PIGX: variants seen among roughly 807,000 people sequenced by gnomAD.
PIGX encodes GPI alpha-1,4-mannosyltransferase I, stabilizing subunit.
A neutral mutation model predicts 28.7 loss-of-function variants in PIGX; 24 were observed. That is an observed-to-expected ratio of 0.84 (90% CI 0.60 to 1.17). The LOEUF (loss-of-function observed/expected upper bound fraction) is 1.17, where lower values mean the gene tolerates loss of function less well. Among genes scored for constraint, PIGX ranks in the 50% most tolerant of loss-of-function variants. The pLI, the probability that PIGX is intolerant of heterozygous loss-of-function variation, is 0.00. For missense variants in PIGX, 305 were observed against 317.8 expected (o/e 0.96, Z 0.31); for synonymous variants, 127 against 121.0 (o/e 1.05, Z -0.33).
chr3:196,728,485 C>T (rs1482183502), intron 4 of PIGX: 3 of 601,626 alleles, frequency 5.0e-6, no homozygotes, highest in African/African-American at 1.9e-5. Flanking sequence ...GATGGGCATT[C>T]CAAGACACTA....
Position 196,712,580 on chromosome 3 carries a change from C to T in PIGX, c.48C>T (p.Leu16=). Residue 16 remains leucine (L), a synonymous_variant, in exon 1 of 6, where the codon CTC becomes CTT. Transcript: ENST00000392391. ...TTCGGGCGGCCGCCTGGCTGCTCCT[C>T]GGGGCGGCGACCGGGCTCACGCGCG... 1 of 1,190,006 alleles carries T rather than the reference C, an allele frequency of 8.4e-7. No individual in the cohort carries two copies. The highest frequency in any genetic ancestry group is 4.2e-5 in the South Asian group (1 of 23,964). The allele number at this position is 1,190,006 out of a possible 1,614,324, so 73.7% of individuals were successfully genotyped here.
intron 5 of PIGX, among the ~76,000 whole-genome samples, chr3:196,732,241 TATATATATATATATA>T (rs1560080595): frequency 0.089 from 5,710 of 64,194 alleles, 508 homozygotes; most frequent in East Asian, 0.15. Flanking sequence ...TATATATATA[TATATATATATATATA>T]TTTTATTTTA....
intron 3 of PIGX, chr3:196,726,583 A>C: frequency 2.3e-6 from 1 of 438,892 alleles, no homozygotes; most frequent in South Asian, 1.6e-5. Flanking sequence ...CTTCAAATGC[A>C]GCTAATATGA....
At chr3:196,717,811 G>T (rs1380332394) in intron 2 of PIGX, 1 of 152,090 alleles carries the variant, frequency 6.6e-6, no homozygotes, top group Non-Finnish European at 1.5e-5. Context: ...TACTACAGTT[G>T]ATTCTAAATG....
At chr3:196,721,779 G>C (rs1368312521) in intron 2 of PIGX, among the ~76,000 whole-genome samples, 1 of 149,550 alleles carries the variant, frequency 6.7e-6, no homozygotes, top group South Asian at 2.1e-4. Flanking sequence ...TTTAGATGGG[G>C]ATTTGCTCTG....
At position 196,719,861 on chromosome 3, in the gene PIGX, C is replaced by T. The variant is rs150671951; in HGVS notation, c.177-2554C>T. Reference sequence around the variant, plus strand: ...GCTGGAGTGCATGGCGCGATCTCGGCGCACTGCAACTTCCGATTCCCTGGT... The same window carrying T: ...GCTGGAGTGCATGGCGCGATCTCGGTGCACTGCAACTTCCGATTCCCTGGT... On this transcript the variant is annotated intron_variant, in intron 2 of 5. Transcript: ENST00000392391. 8.0e-3 allele frequency among the ~76,000 whole-genome samples: 1,208 copies of T among 151,872 alleles called. 11 individuals are homozygous for T. The highest frequency in any genetic ancestry group is 0.028 in the African/African-American group (1,155 of 41,342).
At chr3:196,722,301 C>A in intron 2 of PIGX, 114 bp from the exon 3 acceptor site, 1 of 729,378 alleles carries the variant, frequency 1.4e-6, no homozygotes, top group Non-Finnish European at 2.3e-6. Flanking sequence ...TTATAATCTA[C>A]TTTTGGAAAA....
In PIGX at chr3:196,716,938, T is replaced by C. The variant is rs1712120760; in HGVS notation, c.176+17T>C. Reference sequence around the variant, plus strand: ...TTTCCACAGGTAAGTTGCCTGTTGATTTCTATTTCTATTAAAATAATGTGT... The same window carrying C: ...TTTCCACAGGTAAGTTGCCTGTTGACTTCTATTTCTATTAAAATAATGTGT... On this transcript the variant is annotated intron_variant, in intron 2 of 5. Transcript: ENST00000392391. The C allele has an allele frequency of 1.4e-6, 2 of 1,394,394 alleles. No individual in the cohort carries two copies. Among genetic ancestry groups the C allele is most frequent in the East Asian group, 2.3e-5 (1 of 43,828 alleles). The allele number at this position is 1,394,394 out of a possible 1,614,324, so 86.4% of individuals were successfully genotyped here.
At chr3:196,720,171 C>T (rs961298103) in intron 2 of PIGX, among the ~76,000 whole-genome samples, 1 of 152,214 alleles carries the variant, frequency 6.6e-6, no homozygotes, top group African/African-American at 2.4e-5. Context: ...TGGAACTCTT[C>T]GTTTTGTACA....
chr3:196,730,769 AAAG>A (rs1300955473), intron 4 of PIGX, among the ~76,000 whole-genome samples: 27 of 151,188 alleles, frequency 1.8e-4, no homozygotes, highest in African/African-American at 5.4e-4. Flanking sequence ...AAAAAAAAAA[AAAG>A]AAGTCATGTT....
chr3:196,726,355 C>G (rs145814360), intron 3 of PIGX, among the ~76,000 whole-genome samples: 3 of 151,560 alleles, frequency 2.0e-5, no homozygotes, highest in Non-Finnish European at 4.4e-5. Context: ...TATCCCAGCT[C>G]TTTGGGAGGA....
At chr3:196,713,739 A>C (rs1173674252) in intron 1 of PIGX, among the ~76,000 whole-genome samples, 1 of 151,686 alleles carries the variant, frequency 6.6e-6, no homozygotes, top group Non-Finnish European at 1.5e-5. Context: ...CAGGGGGCTA[A>C]GGCAGGAGAA....
intron 3 of PIGX, chr3:196,726,887 C>T (rs181496196): frequency 6.6e-4 from 147 of 221,184 alleles, no homozygotes; most frequent in African/African-American, 3.1e-3. Flanking sequence ...CAAGCAGTGG[C>T]GGTATACCTG....
chr3:196,727,874 C>T, intron 3 of PIGX, 49 bp from the exon 4 acceptor site: 5 of 1,315,820 alleles, frequency 3.8e-6, no homozygotes, highest in Non-Finnish European at 5.4e-6. Flanking sequence ...TTTTAAAAAT[C>T]TTCCTCATTC....
In PIGX at chr3:196,732,241, TATATATA is replaced by T. The variant is rs1469145708; in HGVS notation, c.633+1150_633+1156del. 3.2e-4 allele frequency among the ~76,000 whole-genome samples: 21 copies of T among 64,814 alleles called. 1 individual carries two copies. Among genetic ancestry groups the T allele is most frequent in the African/African-American group, 1.2e-3 (18 of 14,922 alleles). The allele number at this position is 64,814 out of a possible 152,430, so 42.5% of individuals were successfully genotyped here. A position where few individuals can be genotyped will look rare whatever the true frequency, so the allele number is the denominator to read the frequency against. On this transcript the variant is annotated intron_variant, in intron 5 of 5. Transcript: ENST00000392391. ...TTATATATATATATATATATATATA[TATATATA>T]TATATATATTTTATTTTATTTTATT...
Position 196,731,071 on chromosome 3 carries a change from G to A in PIGX, c.612G>A (p.Trp204Ter). 1 of 1,592,368 alleles carries A rather than the reference G, an allele frequency of 6.3e-7. No homozygotes were observed. The highest frequency in any genetic ancestry group is 1.7e-5 in the Admixed American group (1 of 59,942). Residue 204 changes from tryptophan (W) to a stop codon, truncating the protein, a stop_gained, in exon 5 of 6, where the codon TGG (tryptophan) becomes TGA (stop). Coordinates refer to ENST00000392391, the MANE Select transcript of PIGX (RefSeq NM_017861.4). LOFTEE classifies it high-confidence loss of function. ...TGGAGAATGAGGATATCTGCCAATG[G>A]AACAAGATGAAGTATAAATCAGTAA...
intron 2 of PIGX, among the ~76,000 whole-genome samples, chr3:196,721,892 C>T (rs1712339815): frequency 6.6e-6 from 1 of 152,118 alleles, no homozygotes; most frequent in Non-Finnish European, 1.5e-5. Flanking sequence ...AGCTAGACCA[C>T]AGGCATGTGC....
chr3:196,717,301 AAAAAAAG>A (rs1022317504), intron 2 of PIGX, among the ~76,000 whole-genome samples: 1 of 109,992 alleles, frequency 9.1e-6, no homozygotes, highest in African/African-American at 3.6e-5. Flanking sequence ...ACTCTGTCTC[AAAAAAAG>A]AAAAAAGAAA....
At chr3:196,729,598 A>G (rs1201519084) in intron 4 of PIGX, among the ~76,000 whole-genome samples, 1 of 150,914 alleles carries the variant, frequency 6.6e-6, no homozygotes, top group Non-Finnish European at 1.5e-5. Flanking sequence ...TATGTTGGCC[A>G]GACTAGTCTC....
Sources: allele counts gnomAD v4.1 joint callset (sites outside exome capture counted in the v4.1 genomes callset), GRCh38; gene constraint gnomAD v4.1.1; transcripts MANE v1.5; gene names NCBI Gene and HGNC (gene_info 2026-07-23, HGNC 2026-07-21).